DLST: variants seen among roughly 807,000 people sequenced by gnomAD.
DLST encodes the protein dihydrolipoamide S-succinyltransferase.
In DLST, 17 loss-of-function variants were observed where a neutral mutation model predicts 53.1. The observed-to-expected ratio is 0.32, with a 90% CI of 0.22 to 0.48. The LOEUF is 0.48. Among genes scored for constraint, DLST ranks in the 20% least tolerant of loss-of-function variants. DLST has a pLI of 0.99. For synonymous variants in DLST, 206 were observed against 204.8 expected, an observed-to-expected ratio of 1.01 and a Z score of -0.05; for missense variants, 512 against 583.9, an observed-to-expected ratio of 0.88 and a Z score of 1.27.
chr14:74,890,709 G>T lies in DLST; in HGVS notation c.331-347G>T, dbSNP rs540712561. 9.2e-5 allele frequency among the ~76,000 whole-genome samples: 14 copies of T among 152,228 alleles called. No homozygotes were observed. In the East Asian group the frequency reaches 2.3e-3, roughly 25 times the overall value. On this transcript the variant is annotated intron_variant, in intron 6 of 14. Transcript: ENST00000334220. ...GTTGCAACTCTTGTTACTCACTGGA[G>T]ATACGCTGTTGTTGTTGTTGTTTTG...
At chr14:74,884,456 T>C (rs1479806166) in intron 2 of DLST, among the ~76,000 whole-genome samples, 1 of 152,204 alleles carries the variant, frequency 6.6e-6, no homozygotes, top group Admixed American at 6.5e-5. Flanking sequence ...GGATTCACCT[T>C]GGGCTAGTCG....
intron 10 of DLST, among the ~76,000 whole-genome samples, chr14:74,894,839 G>C (rs944672056): frequency 3.9e-5 from 6 of 152,004 alleles, no homozygotes; most frequent in Non-Finnish European, 1.5e-5. Context: ...GAGCCACCGC[G>C]CCTGGCCTGT....
intron 10 of DLST, among the ~76,000 whole-genome samples, chr14:74,898,012 T>A (rs1003451952): frequency 9.2e-5 from 14 of 152,118 alleles, no homozygotes; most frequent in African/African-American, 2.9e-4. Context: ...GTTTATACTT[T>A]AAAAAATTTT....
At chr14:74,882,730 G>T (rs138261528) in intron 2 of DLST, 106 bp downstream of exon 2, 3 of 1,032,226 alleles carry the variant, frequency 2.9e-6, no homozygotes, top group Admixed American at 2.0e-5. Context: ...AAGACAGTTT[G>T]GTTCAGAGAG....
intron 7 of DLST, among the ~76,000 whole-genome samples, chr14:74,892,255 G>T (rs1231827134): frequency 2.0e-5 from 3 of 152,106 alleles, no homozygotes; most frequent in Non-Finnish European, 4.4e-5. Flanking sequence ...GCTAATTTTT[G>T]TATTTTTGGT....
Position 74,892,927 on chromosome 14 carries a change from C to G in DLST, c.536C>G (p.Pro179Arg). The stretch of plus-strand genomic sequence containing the variant: ...GCGGCAGTTCCTCCCCCTGCAGCAC[C>G]CATACCCACTCAGATGCCACCGGTG... Reference protein sequence around the residue: ...TAAAVPPPAAPIPTQMPPVPS... With the variant: ...TAAAVPPPAARIPTQMPPVPS... The change falls in exon 8 of 15, where the codon CCC becomes CGC. Residue 179 changes from proline to arginine, a missense_variant. Coordinates refer to ENST00000334220, the MANE Select transcript of DLST (RefSeq NM_001933.5). 1 of 1,614,116 alleles carries G rather than the reference C, an allele frequency of 6.2e-7. No individual in the cohort carries two copies. Among genetic ancestry groups the G allele is most frequent in the Admixed American group, 1.7e-5 (1 of 60,004 alleles).
At chr14:74,892,114 C>G (rs59112602) in intron 7 of DLST, 46,783 of 153,678 alleles carry the variant, frequency 0.3, 7,266 homozygotes, top group Non-Finnish European at 0.31. Flanking sequence ...GATGGAGTTT[C>G]ACTCTGTCGC....
Position 74,894,346 on chromosome 14 carries a change from A to G in DLST, c.707A>G (p.Gln236Arg), listed in dbSNP as rs890689621. ...AACAGGATGCGGCAGCGCATTGCTC[A>G]GCGTCTGAAGGAGGCCCAGAATACA... ...KMNRMRQRIA[Q>R]RLKEAQNTCA... The change falls in exon 10 of 15, where the codon CAG becomes CGG. Residue 236 changes from glutamine to arginine, a missense_variant. Around this residue, in one of 4 missense-constraint regions of DLST, gnomAD observed 162 missense variants for 162.0 expected, o/e 1.00. Transcript: ENST00000334220. 1.2e-6 allele frequency: 2 copies of G among 1,614,204 alleles called. No homozygotes were observed. Among genetic ancestry groups the G allele is most frequent in the Admixed American group, 1.7e-5 (1 of 60,024 alleles).
chr14:74,898,630 C>G, intron 11 of DLST, 131 bp downstream of exon 11: 1 of 1,166,402 alleles, frequency 8.6e-7, no homozygotes, highest in Non-Finnish European at 1.2e-6. Flanking sequence ...CAGTATCTTC[C>G]CCAGGGATTT....
At chr14:74,887,981 T>G (rs1883764240) in intron 3 of DLST, among the ~76,000 whole-genome samples, 1 of 152,202 alleles carries the variant, frequency 6.6e-6, no homozygotes, top group South Asian at 2.1e-4. Flanking sequence ...AAAGTGAAAG[T>G]CCCCATCCAA....
chr14:74,891,503 A>G (rs1469525689), intron 7 of DLST: 3 of 1,001,532 alleles, frequency 3.0e-6, no homozygotes, highest in Admixed American at 5.7e-5. Context: ...TGAAAATCCA[A>G]AATCTGAAAT....
In DLST at chr14:74,892,777, C is replaced by T. The variant is rs1163736801; in HGVS notation, c.443-57C>T. ...CTAGAGTTTTTGCCACTAAATTTTG[C>T]TTGGTTGCTTCTCATTTCAGACAGT... On this transcript the variant is annotated intron_variant, in intron 7 of 14. Transcript: ENST00000334220. The T allele has an allele frequency of 2.6e-6, 4 of 1,529,332 alleles. No homozygotes were observed. The South Asian group carries it at 3.9e-5, about 15-fold the overall frequency. 94.7% of individuals were successfully genotyped at this position (1,529,332 alleles called of 1,614,324 possible).
intron 10 of DLST, among the ~76,000 whole-genome samples, chr14:74,898,003 T>TTTA (rs1209644166): frequency 6.6e-6 from 1 of 151,928 alleles, no homozygotes; most frequent in East Asian, 1.9e-4. Context: ...GTAGATTTTG[T>TTTA]TTATACTTTA....
At chr14:74,888,977 A>T (rs1883802288) in intron 3 of DLST, 118 bp from the exon 4 acceptor site, 2 of 1,011,968 alleles carry the variant, frequency 2.0e-6, no homozygotes, top group Non-Finnish European at 3.1e-6. Context: ...AGTGACACTG[A>T]TGGACACCCC....
chr14:74,882,633 T>A lies in DLST; in HGVS notation c.97+9T>A. 6.2e-7 allele frequency: 1 copy of A among 1,613,718 alleles called. No individual in the cohort carries two copies. Among genetic ancestry groups the A allele is most frequent in the Non-Finnish European group, 8.5e-7 (1 of 1,179,728 alleles). ...GAGACGTTCCCTGCCTGGTAAGTTCTGCCCTTACCGTCACCTAAAATGCTC... is the reference window on the plus strand; with the variant it reads ...GAGACGTTCCCTGCCTGGTAAGTTCAGCCCTTACCGTCACCTAAAATGCTC... On this transcript the variant is annotated intron_variant, in intron 2 of 14. Coordinates refer to ENST00000334220, the MANE Select transcript of DLST (RefSeq NM_001933.5).
rs1366134109 is a variant in DLST, at chr14:74,894,337, G to A, written c.698G>A (p.Arg233His). 9.9e-6 allele frequency: 16 copies of A among 1,613,976 alleles called. No individual in the cohort carries two copies. The highest frequency in any genetic ancestry group is 1.4e-5 in the Non-Finnish European group (16 of 1,179,996). ...GAGAAAATGAACAGGATGCGGCAGC[G>A]CATTGCTCAGCGTCTGAAGGAGGCC... ...HREKMNRMRQ[R>H]IAQRLKEAQN... Residue 233 changes from arginine to histidine, a missense_variant, in exon 10 of 15, where the codon CGC becomes CAC. Coordinates refer to ENST00000334220, the MANE Select transcript of DLST (RefSeq NM_001933.5).
intron 10 of DLST, among the ~76,000 whole-genome samples, chr14:74,895,152 G>A (rs966113940): frequency 5.9e-5 from 9 of 152,158 alleles, no homozygotes; most frequent in African/African-American, 9.7e-5. Flanking sequence ...GTTTGACCCC[G>A]TCACTTACAT....
At chr14:74,892,298 G>A (rs1030451708) in intron 7 of DLST, among the ~76,000 whole-genome samples, 4 of 152,160 alleles carry the variant, frequency 2.6e-5, no homozygotes, top group African/African-American at 9.7e-5. Flanking sequence ...GGCCAGGATG[G>A]TTTTGATCTG....
At chr14:74,884,622 A>G (rs1246451137) in intron 2 of DLST, among the ~76,000 whole-genome samples, 4 of 152,212 alleles carry the variant, frequency 2.6e-5, no homozygotes, top group African/African-American at 9.6e-5. Flanking sequence ...TTGCTGTAGG[A>G]TGAACTCTGA....
Sources: gnomAD v4.1 joint callset for allele counts (sites outside exome capture counted in the v4.1 genomes callset) on GRCh38, gnomAD v4.1.1 for gene constraint, gnomAD v4.1.1 regional missense constraint, MANE v1.5 for transcripts, NCBI Gene and HGNC (gene_info 2026-07-23, HGNC 2026-07-21) for gene names.